The following MYO7A variants were observed in gnomAD, a reference collection of about 807,000 sequenced individuals.
MYO7A encodes unconventional myosin-VIIa.
Under a neutral mutation model 263.8 loss-of-function variants are expected in MYO7A, and 210 were observed. The observed-to-expected ratio is 0.80, with a 90% CI of 0.71 to 0.89. The LOEUF (loss-of-function observed/expected upper bound fraction) is 0.89. MYO7A is among the 40% of genes least tolerant of loss of function. MYO7A has a pLI of 0.00. For synonymous variants in MYO7A, 1,239 were observed against 1,197.3 expected, an observed-to-expected ratio of 1.03 and a Z score of -0.72; for missense variants, 2,820 against 2,968.3, an observed-to-expected ratio of 0.95 and a Z score of 1.16.
Position 77,182,576 on chromosome 11 carries a change from G to A in MYO7A, c.3261G>A (p.Leu1087=), listed in dbSNP as rs2135499523. 6.2e-7 allele frequency: 1 copy of A among 1,613,088 alleles called. No homozygotes were observed. The change falls in exon 25 of 49, where the codon CTG becomes CTA. Residue 1087 remains leucine, a synonymous_variant. Transcript: ENST00000409709. The stretch of plus-strand genomic sequence containing the variant: ...GCAAGAAGACGTACAAGAGGGAGCT[G>A]CAGGCCCTGCAGGGCGAGGGCGAGG... The part of the protein sequence containing the change: ...TLGKKTYKRE[L]QALQGEGEAQ...
rs925456923 is a variant in MYO7A at position 77,189,579 on chromosome 11, C to A, written c.3630+109C>A. ...CCAAAGGGCCTGGTCACAAGGCCCA[C>A]CCGGCCACTCCTTACTGAGCCCCAT... On this transcript the variant is annotated intron_variant, in intron 28 of 48. Transcript: ENST00000409709. 2.0e-5 allele frequency: 29 copies of A among 1,456,244 alleles called. No individual in the cohort carries two copies. The Admixed American group carries it at 4.9e-4, about 24-fold the overall frequency. 90.2% of individuals were successfully genotyped at this position (1,456,244 alleles called of 1,614,324 possible). A position where few individuals can be genotyped will look rare whatever the true frequency, so the allele number is the denominator to read the frequency against.
rs1206669823 is a variant in MYO7A, at chr11:77,193,107, C to CTGTTGGTGATCGTGGAGGTAGCGATGG, written c.4152+839_4152+840insCGTGGAGGTAGCGATGGTGTTGGTGAT. 5.4e-3 allele frequency among the ~76,000 whole-genome samples: 244 copies of CTGTTGGTGATCGTGGAGGTAGCGATGG among 44,904 alleles called. 26 individuals carry two copies. Among genetic ancestry groups the CTGTTGGTGATCGTGGAGGTAGCGATGG allele is most frequent in the Non-Finnish European group, 7.0e-3 (174 of 24,696 alleles). 29.5% of individuals were successfully genotyped at this position (44,904 alleles called of 152,430 possible). ...GTTTGTGATGGTGGAGGTAGTGATG[C>CTGTTGGTGATCGTGGAGGTAGCGATGG]TGTTGGTGATGGTGGAGGTAGCGAT... On this transcript the variant is annotated intron_variant, in intron 31 of 48. Transcript: ENST00000409709.
chr11:77,192,418 C>G (rs1956163471), intron 31 of MYO7A, 140 bp downstream of exon 31: 1 of 834,910 alleles, frequency 1.2e-6, no homozygotes, highest in Admixed American at 2.3e-5. Flanking sequence ...TCTTCAGGCT[C>G]CTGGATGGAC....
chr11:77,158,244 T>G, intron 8 of MYO7A, 33 bp from the exon 9 acceptor site: 1 of 1,555,692 alleles, frequency 6.4e-7, no homozygotes, highest in Non-Finnish European at 8.7e-7. Context: ...ACTGACGTCC[T>G]CTTGCACCCC....
At chr11:77,155,668 T>G (rs1373465634) in intron 4 of MYO7A, among the ~76,000 whole-genome samples, 1 of 152,204 alleles carries the variant, frequency 6.6e-6, no homozygotes, top group Non-Finnish European at 1.5e-5. Flanking sequence ...GCTTAGAGAC[T>G]CCACCTCCCT....
rs1555069242 is a variant in MYO7A at position 77,162,125 on chromosome 11, AGCAGCTCT to A, written c.1353_1360del (p.Gln451HisfsTer6). ...CCATCCCTGTGCCCCTGCAGCTTTG[AGCAGCTCT>A]GCATCAACTTCGCCAATGAGCACCT... On this transcript the variant is annotated frameshift_variant, in exon 13 of 49. Transcript: ENST00000409709. LOFTEE classifies it high-confidence loss of function. 6.3e-7 allele frequency: 1 copy of A among 1,598,688 alleles called. No homozygotes were observed. Among genetic ancestry groups the A allele is most frequent in the Admixed American group, 1.7e-5 (1 of 57,946 alleles).
rs376205465 is a variant in MYO7A at position 77,194,390 on chromosome 11, T to C, written c.4189T>C (p.Phe1397Leu). 8.1e-6 allele frequency: 13 copies of C among 1,612,800 alleles called. No individual in the cohort carries two copies. Among genetic ancestry groups the C allele is most frequent in the African/African-American group, 1.3e-5 (1 of 74,920 alleles). Residue 1397 changes from phenylalanine (F) to leucine (L), a missense_variant, in exon 32 of 49, where the codon TTT becomes CTT. Transcript: ENST00000409709. ...DLAELASQQY[F>L]VDYGSEMILE... ...GGCTGAGCTGGCCTCCCAGCAGTACTTTGTAGACTATGGCTCTGAGATGAT... is the reference window on the plus strand; with the variant it reads ...GGCTGAGCTGGCCTCCCAGCAGTACCTTGTAGACTATGGCTCTGAGATGAT...
chr11:77,156,579 A>G, intron 5 of MYO7A, 81 bp from the exon 6 acceptor site: 1 of 1,580,132 alleles, frequency 6.3e-7, no homozygotes, highest in Non-Finnish European at 8.7e-7. Context: ...GAGCTGGTGG[A>G]TGGTGCAGCC....
At position 77,185,575 on chromosome 11, in the gene MYO7A, A is replaced by T. The variant is rs1033189355; in HGVS notation, c.3503+860A>T. Among the ~76,000 whole-genome samples, 4 of 152,120 alleles carry T rather than the reference A, an allele frequency of 2.6e-5. No homozygotes were observed. The East Asian group carries it at 7.7e-4, about 29-fold the overall frequency. ...TCTCATTCTAGTTCTCTTGCTATTT[A>T]TTTCCACCACATCTGCAGTTACTTC... On this transcript the variant is annotated intron_variant, in intron 27 of 48. Transcript: ENST00000409709.
At chr11:77,130,453 A>G (rs1215100455) in intron 1 of MYO7A, 136 bp from the exon 2 acceptor site, 5 of 642,678 alleles carry the variant, frequency 7.8e-6, no homozygotes, top group Non-Finnish European at 1.4e-5. Flanking sequence ...CAGTGGTCAG[A>G]GGGAGAGAAG....
At chr11:77,161,277 G>A (rs980873246) in intron 12 of MYO7A, among the ~76,000 whole-genome samples, 162 bp downstream of exon 12, 3 of 151,926 alleles carry the variant, frequency 2.0e-5, no homozygotes, top group Non-Finnish European at 2.9e-5. Context: ...CCATCCCCTC[G>A]TGTCCCTCAC....
intron 15 of MYO7A, among the ~76,000 whole-genome samples, chr11:77,170,233 A>C (rs1591326997): frequency 1.3e-5 from 2 of 152,296 alleles, no homozygotes; most frequent in South Asian, 4.1e-4. Flanking sequence ...GGCCTGCCTG[A>C]GAAGCTGAGC....
At chr11:77,162,072 A>G (rs1953050917) in intron 12 of MYO7A, 48 bp from the exon 13 acceptor site, 1 of 1,522,730 alleles carries the variant, frequency 6.6e-7, no homozygotes, top group African/African-American at 1.4e-5. Flanking sequence ...CCTGAACAGC[A>G]TGGTGGGGCC....
intron 26 of MYO7A, 139 bp downstream of exon 26, chr11:77,183,296 A>T: frequency 4.2e-6 from 3 of 710,178 alleles, no homozygotes; most frequent in Admixed American, 2.1e-5. Flanking sequence ...TTGGCTGGCC[A>T]GGGACAGGAC....
At chr11:77,145,601 C>T (rs559462178) in intron 3 of MYO7A, among the ~76,000 whole-genome samples, 108 of 152,246 alleles carry the variant, frequency 7.1e-4, no homozygotes, top group African/African-American at 2.6e-3. Flanking sequence ...GGGGATTTTC[C>T]AACAGGATCA....
intron 27 of MYO7A, chr11:77,185,056 T>A (rs1555087681): frequency 4.6e-6 from 2 of 430,992 alleles, no homozygotes; most frequent in Non-Finnish European, 8.7e-6. Context: ...CTATGAAGTA[T>A]GAAATAGCAT....
rs148975821 is a variant in MYO7A at position 77,184,137 on chromosome 11, G to A, written c.3376-451G>A. Among the ~76,000 whole-genome samples the A allele has an allele frequency of 5.2e-3, 796 of 152,244 alleles. 5 individuals carry two copies. The highest frequency in any genetic ancestry group is 0.018 in the African/African-American group (762 of 41,526). On this transcript the variant is annotated intron_variant, in intron 26 of 48. Coordinates refer to ENST00000409709, the MANE Select transcript of MYO7A (RefSeq NM_000260.4). ...ATCTCATAAGAACTGGTGTGAGGCT[G>A]GTCACATCGGGGCTAAGGGTGTTGG...
rs1404887775 is a variant in MYO7A, at chr11:77,208,465, C to T, written c.5892C>T (p.Asp1964=). 6.2e-7 allele frequency: 1 copy of T among 1,613,802 alleles called. No individual in the cohort carries two copies. Among genetic ancestry groups the T allele is most frequent in the Non-Finnish European group, 8.5e-7 (1 of 1,179,794 alleles). Residue 1964 remains aspartate (D), a synonymous_variant, in exon 43 of 49, where the codon GAC becomes GAT. Transcript: ENST00000409709. ...LSVPENDFFF[D]FVRHLTDWIK... ...TTCCTGAGAATGACTTCTTCTTTGA[C>T]TTTGTTCGACACTTGACAGACTGGA...
Position 77,157,321 on chromosome 11 carries a change from G to C in MYO7A, c.778G>C (p.Glu260Gln). The C allele has an allele frequency of 6.2e-7, 1 of 1,612,694 alleles. No individual in the cohort carries two copies. Among genetic ancestry groups the C allele is most frequent in the African/African-American group, 1.3e-5 (1 of 75,020 alleles). The change falls in exon 8 of 49, where the codon GAG becomes CAG. Residue 260 changes from glutamate to glutamine, a missense_variant. Transcript: ENST00000409709. ...CTACCACGTGTTCTACTGCATGCTG[G>C]AGGGTATGAGTGAGGATCAGAAGAA... ...RNYHVFYCML[E>Q]GMSEDQKKKL...
Sources: gnomAD v4.1 joint callset for allele counts (sites outside exome capture counted in the v4.1 genomes callset) on GRCh38, gnomAD v4.1.1 for gene constraint, MANE v1.5 for transcripts, NCBI Gene and HGNC (gene_info 2026-07-23, HGNC 2026-07-21) for gene names.